The following UBE2H variants were observed in gnomAD, a reference collection of about 807,000 sequenced individuals.
UBE2H encodes the protein ubiquitin-conjugating enzyme E2 H.
In UBE2H, 3 loss-of-function variants were observed where a neutral mutation model predicts 29.0. The ratio of observed to expected loss-of-function variants is 0.10; its 90% CI spans 0.05 to 0.27. UBE2H has a LOEUF of 0.27. Among genes scored for constraint, UBE2H ranks in the 10% least tolerant of loss-of-function variants. The probability of loss-of-function intolerance (pLI) is 1.00; values close to 1 mark genes in which losing one functional copy is unlikely to be tolerated. For synonymous variants in UBE2H, 69 were observed against 82.9 expected, an observed-to-expected ratio of 0.83 and a Z score of 0.91; for missense variants, 68 against 228.2, an observed-to-expected ratio of 0.30 and a Z score of 4.52.
At chr7:129,835,311 C>T (rs1584733552) in intron 6 of UBE2H, among the ~76,000 whole-genome samples, 1 of 152,284 alleles carries the variant, frequency 6.6e-6, no homozygotes, top group East Asian at 1.9e-4. Flanking sequence ...GCTCAGCTTG[C>T]AGGGGAATGT....
At chr7:129,838,850 G>A (rs1321146733) in intron 6 of UBE2H, among the ~76,000 whole-genome samples, 1 of 152,136 alleles carries the variant, frequency 6.6e-6, no homozygotes, top group African/African-American at 2.4e-5. Context: ...TGTTGGCCAG[G>A]CTGGTCTCGA....
intron 3 of UBE2H, among the ~76,000 whole-genome samples, chr7:129,868,631 C>T (rs762804134): frequency 4.6e-5 from 7 of 150,744 alleles, no homozygotes; most frequent in Non-Finnish European, 8.9e-5. Context: ...TGGACAAGTC[C>T]TCTGATAGTA....
At chr7:129,918,079 G>A (rs559890241) in intron 1 of UBE2H, among the ~76,000 whole-genome samples, 13 of 152,244 alleles carry the variant, frequency 8.5e-5, no homozygotes, top group African/African-American at 3.1e-4. Flanking sequence ...TTAGACACTG[G>A]CAGGCCTCAA....
intron 1 of UBE2H, among the ~76,000 whole-genome samples, chr7:129,902,335 C>A (rs2116425532): frequency 6.6e-6 from 1 of 152,264 alleles, no homozygotes; most frequent in South Asian, 2.1e-4. Context: ...CCCGTCTCTA[C>A]TAAAAATACA....
intron 5 of UBE2H, among the ~76,000 whole-genome samples, chr7:129,842,631 A>G (rs1805447371): frequency 6.6e-6 from 1 of 152,066 alleles, no homozygotes; most frequent in South Asian, 2.1e-4. Context: ...GGCCAGACGC[A>G]GTGGCTTACA....
chr7:129,892,947 T>C (rs1301977623), intron 1 of UBE2H, among the ~76,000 whole-genome samples: 1 of 152,170 alleles, frequency 6.6e-6, no homozygotes, highest in Non-Finnish European at 1.5e-5. Context: ...GCTAAAGCTG[T>C]CAAACAGCTT....
rs371429216 is a variant in UBE2H at position 129,839,200 on chromosome 7, C to T, written c.427+7G>A. ...TTGTCTCCAGGTTAAACTACCCATCCTCTTACCTTTAATTTTCTGCTTGTA... is the reference window on the plus strand; with the variant it reads ...TTGTCTCCAGGTTAAACTACCCATCTTCTTACCTTTAATTTTCTGCTTGTA... On this transcript the variant is annotated splice_region_variant and intron_variant, in intron 6 of 6. Coordinates refer to ENST00000355621, the MANE Select transcript of UBE2H (RefSeq NM_003344.4). 6.2e-6 allele frequency: 10 copies of T among 1,611,806 alleles called. No individual in the cohort carries two copies. The highest frequency in any genetic ancestry group is 3.4e-5 in the Admixed American group (2 of 59,480).
intron 1 of UBE2H, among the ~76,000 whole-genome samples, chr7:129,926,848 C>T (rs1055178789): frequency 1.2e-4 from 18 of 152,178 alleles, no homozygotes; most frequent in African/African-American, 3.9e-4. Flanking sequence ...CTTCTCCATA[C>T]AGCAGCCCAC....
At chr7:129,910,845 G>A (rs992624187) in intron 1 of UBE2H, among the ~76,000 whole-genome samples, 6 of 152,258 alleles carry the variant, frequency 3.9e-5, no homozygotes, top group South Asian at 2.1e-4. Context: ...GCACACCACC[G>A]TACTCCAGCC....
At chr7:129,946,000 C>T (rs973731272) in intron 1 of UBE2H, among the ~76,000 whole-genome samples, 1 of 152,008 alleles carries the variant, frequency 6.6e-6, no homozygotes, top group African/African-American at 2.4e-5. Context: ...CCCACCTCAG[C>T]CTCCCAAAGT....
intron 1 of UBE2H, among the ~76,000 whole-genome samples, chr7:129,942,751 T>C (rs1433897545): frequency 6.6e-6 from 1 of 152,064 alleles, no homozygotes; most frequent in African/African-American, 2.4e-5. Context: ...CAACAAAAAG[T>C]GTGCTTACCT....
intron 1 of UBE2H, among the ~76,000 whole-genome samples, chr7:129,908,007 A>G (rs1029801754): frequency 6.6e-6 from 1 of 152,198 alleles, no homozygotes; most frequent in Non-Finnish European, 1.5e-5. Context: ...CTCAGAAATC[A>G]GCAAACATTA....
At chr7:129,915,891 A>G (rs1296951782) in intron 1 of UBE2H, among the ~76,000 whole-genome samples, 1 of 152,238 alleles carries the variant, frequency 6.6e-6, no homozygotes, top group Non-Finnish European at 1.5e-5. Flanking sequence ...TCATCAGTTC[A>G]GAATACAGAA....
chr7:129,857,477 A>C, intron 5 of UBE2H, 34 bp downstream of exon 5: 1 of 1,597,630 alleles, frequency 6.3e-7, no homozygotes, highest in African/African-American at 1.4e-5. Flanking sequence ...CAATGTCTCA[A>C]CATCTCCAAA....
intron 3 of UBE2H, among the ~76,000 whole-genome samples, chr7:129,874,719 T>C (rs1270563402): frequency 6.6e-6 from 1 of 151,712 alleles, no homozygotes; most frequent in Non-Finnish European, 1.5e-5. Context: ...TCAGTTCATA[T>C]GAAGAGAAAA....
chr7:129,951,384 A>AGGAAACAGGAG (rs1807872355), intron 1 of UBE2H: 1 of 152,228 alleles, frequency 6.6e-6, no homozygotes, highest in African/African-American at 2.4e-5. Flanking sequence ...CAGGACTTTT[A>AGGAAACAGGAG]AACTGTGTTC....
chr7:129,915,063 T>G (rs1807017263), intron 1 of UBE2H, among the ~76,000 whole-genome samples: 2 of 152,064 alleles, frequency 1.3e-5, no homozygotes, highest in African/African-American at 4.8e-5. Context: ...AAATGACAAC[T>G]TCCAACTTCA....
chr7:129,837,033 C>T (rs184893583), intron 6 of UBE2H, among the ~76,000 whole-genome samples: 163 of 152,156 alleles, frequency 1.1e-3, no homozygotes, highest in African/African-American at 3.5e-3. Context: ...TCCAATGGTG[C>T]CCAGTGCTAC....
At chr7:129,842,979 A>T (rs1733105789) in intron 5 of UBE2H, among the ~76,000 whole-genome samples, 1 of 152,094 alleles carries the variant, frequency 6.6e-6, no homozygotes, top group Non-Finnish European at 1.5e-5. Context: ...AAGTTAAACA[A>T]TAGTTACATT....
Sources: allele counts gnomAD v4.1 joint callset (sites outside exome capture counted in the v4.1 genomes callset), GRCh38; gene constraint gnomAD v4.1.1; transcripts MANE v1.5; gene names NCBI Gene and HGNC (gene_info 2026-07-23, HGNC 2026-07-21).